AFF3: variants seen among roughly 807,000 people sequenced by gnomAD.
AFF3 encodes ALF transcription elongation factor 3.
In AFF3, 32 loss-of-function variants were observed where a neutral mutation model predicts 129.7. That is an observed-to-expected ratio of 0.25 (90% confidence interval 0.19 to 0.33). The LOEUF is 0.33. AFF3 is among the 10% of genes least tolerant of loss of function. AFF3 has a pLI of 1.00. For synonymous variants in AFF3, 644 were observed against 635.4 expected, an observed-to-expected ratio of 1.01 and a Z score of -0.20; for missense variants, 1,373 against 1,592.0, an observed-to-expected ratio of 0.86 and a Z score of 2.34.
chr2:99,796,991 A>T (rs1374874463), intron 8 of AFF3, among the ~76,000 whole-genome samples: 1 of 152,166 alleles, frequency 6.6e-6, no homozygotes, highest in African/African-American at 2.4e-5. Flanking sequence ...TTTCCAAGTA[A>T]CTTAACTACA....
chr2:99,932,836 T>C (rs571331196), intron 7 of AFF3, among the ~76,000 whole-genome samples: 2 of 152,342 alleles, frequency 1.3e-5, no homozygotes, highest in African/African-American at 4.8e-5. Flanking sequence ...CGTGACCCCA[T>C]AGACTTCTCC....
intron 9 of AFF3, among the ~76,000 whole-genome samples, chr2:99,747,938 C>A (rs976784434): frequency 2.6e-5 from 4 of 152,048 alleles, no homozygotes; most frequent in African/African-American, 9.7e-5. Flanking sequence ...TCATTCTTAC[C>A]GGCATTTGGC....
chr2:100,077,864 G>A (rs1688705646), intron 4 of AFF3, among the ~76,000 whole-genome samples: 1 of 151,776 alleles, frequency 6.6e-6, no homozygotes, highest in African/African-American at 2.4e-5. Flanking sequence ...TATCCAAGAG[G>A]GAAAGAAAAA....
At chr2:99,940,733 C>T (rs1051765827) in intron 7 of AFF3, among the ~76,000 whole-genome samples, 3 of 152,124 alleles carry the variant, frequency 2.0e-5, no homozygotes, top group African/African-American at 7.2e-5. Flanking sequence ...TTCTTTTATC[C>T]CTTTACTTTC....
In AFF3 at chr2:99,582,877, T is replaced by C. The variant is rs117319532; in HGVS notation, c.2714A>G (p.Asn905Ser). The C allele has an allele frequency of 7.8e-4, 1,265 of 1,614,236 alleles. 20 individuals carry two copies. In the East Asian group the frequency reaches 0.024, roughly 31 times the overall value. The change falls in exon 17 of 25, where the codon AAC becomes AGC. Residue 905 changes from asparagine to serine, a missense_variant. Coordinates refer to ENST00000672756, the MANE Select transcript of AFF3 (RefSeq NM_001386135.1). ...DLTSSSRPNG[N>S]SLFTSASSSK... ...GGAAGAGGCTGAAGTAAACAAACTG[T>C]TGCCATTAGGTCGGCTGGAAGAAGT...
chr2:100,018,153 C>A (rs1683292536), intron 4 of AFF3, among the ~76,000 whole-genome samples: 1 of 151,960 alleles, frequency 6.6e-6, no homozygotes, highest in Non-Finnish European at 1.5e-5. Context: ...TACATTTTTT[C>A]AAACAGAAGA....
intron 7 of AFF3, among the ~76,000 whole-genome samples, chr2:99,846,918 C>T (rs1443568570): frequency 1.3e-5 from 2 of 152,186 alleles, no homozygotes; most frequent in Admixed American, 1.3e-4. Flanking sequence ...ATTCTGCATA[C>T]TCAACATCAG....
chr2:99,692,029 A>C (rs1575708351), intron 11 of AFF3, among the ~76,000 whole-genome samples: 2 of 151,884 alleles, frequency 1.3e-5, no homozygotes, highest in South Asian at 2.1e-4. Context: ...CCCTTCTTGG[A>C]GGCAGCTGTT....
At chr2:100,106,980 A>G in intron 2 of AFF3, 2 of 985,338 alleles carry the variant, frequency 2.0e-6, no homozygotes, top group Non-Finnish European at 2.4e-6. Flanking sequence ...TTGAATTTAA[A>G]CTCTGGTGCC....
intron 8 of AFF3, among the ~76,000 whole-genome samples, chr2:99,806,997 A>G (rs1473664046): frequency 6.6e-6 from 1 of 152,218 alleles, no homozygotes; most frequent in African/African-American, 2.4e-5. Context: ...AGCTCAGCTG[A>G]GGCTTTTGCA....
At chr2:99,902,429 A>G (rs556036760) in intron 7 of AFF3, among the ~76,000 whole-genome samples, 2 of 152,240 alleles carry the variant, frequency 1.3e-5, no homozygotes, top group Admixed American at 6.5e-5. Flanking sequence ...CGCACTCACT[A>G]CATGCTTGGG....
At chr2:100,051,949 C>T (rs1463641450) in intron 4 of AFF3, among the ~76,000 whole-genome samples, 1 of 152,204 alleles carries the variant, frequency 6.6e-6, no homozygotes, top group African/African-American at 2.4e-5. Flanking sequence ...ATCAATACTT[C>T]TCTAGGCTGT....
At chr2:99,882,228 G>A in intron 7 of AFF3, among the ~76,000 whole-genome samples, 1 of 152,122 alleles carries the variant, frequency 6.6e-6, no homozygotes, top group East Asian at 1.9e-4. Flanking sequence ...ACAAGTAACT[G>A]CACTGTTGAG....
chr2:99,600,571 C>G (rs918452412), intron 14 of AFF3, among the ~76,000 whole-genome samples: 3 of 152,120 alleles, frequency 2.0e-5, no homozygotes, highest in African/African-American at 4.8e-5. Flanking sequence ...TATGGCCCCC[C>G]CAAATGGTAC....
At chr2:99,743,428 T>G (rs1350740384) in intron 10 of AFF3, among the ~76,000 whole-genome samples, 1 of 152,198 alleles carries the variant, frequency 6.6e-6, no homozygotes, top group Non-Finnish European at 1.5e-5. Flanking sequence ...GTCGTGAAAC[T>G]AACAAAGCCC....
chr2:99,548,634 T>C lies in AFF3; in HGVS notation c.*2840A>G, dbSNP rs548113510. ...GGCACGTGCCTATCTTCCCAGCTGCTTGGGAGGCTGAGGCAGGAGGATTGC... is the reference window on the plus strand; with the variant it reads ...GGCACGTGCCTATCTTCCCAGCTGCCTGGGAGGCTGAGGCAGGAGGATTGC... On this transcript the variant is annotated 3_prime_UTR_variant, in exon 25 of 25. Coordinates refer to ENST00000672756, the MANE Select transcript of AFF3 (RefSeq NM_001386135.1). 4.0e-4 allele frequency: 84 copies of C among 207,708 alleles called. 1 individual carries two copies. In the South Asian group the frequency reaches 9.8e-3, roughly 24 times the overall value. The allele number at this position is 207,708 out of a possible 1,614,324, so 12.9% of individuals were successfully genotyped here. A position where few individuals can be genotyped will look rare whatever the true frequency, so the allele number is the denominator to read the frequency against.
intron 7 of AFF3, among the ~76,000 whole-genome samples, chr2:99,886,289 C>G (rs1258239224): frequency 1.3e-5 from 2 of 152,180 alleles, no homozygotes; most frequent in African/African-American, 4.8e-5. Context: ...TGGTGGAGCA[C>G]TTACTTTGTC....
intron 7 of AFF3, among the ~76,000 whole-genome samples, chr2:99,841,090 C>G (rs1689286500): frequency 6.6e-6 from 1 of 152,198 alleles, no homozygotes; most frequent in Non-Finnish European, 1.5e-5. Context: ...TAACAGCACA[C>G]TACAAATACT....
At chr2:99,982,221 G>C (rs1679469318) in intron 7 of AFF3, among the ~76,000 whole-genome samples, 1 of 152,196 alleles carries the variant, frequency 6.6e-6, no homozygotes. Context: ...TTGTGGGACA[G>C]ACCAGGTGGG....
Sources: gnomAD v4.1 joint callset for allele counts (sites outside exome capture counted in the v4.1 genomes callset) on GRCh38, gnomAD v4.1.1 for gene constraint, MANE v1.5 for transcripts, NCBI Gene and HGNC (gene_info 2026-07-23, HGNC 2026-07-21) for gene names.